Variants in SLC2A9 observed in about 807,000 individuals in gnomAD.
SLC2A9 encodes solute carrier family 2 member 9.
Under a neutral mutation model 50.6 loss-of-function variants are expected in SLC2A9, and 39 were observed. That is an observed-to-expected ratio of 0.77 (90% CI 0.60 to 1.01). The LOEUF (loss-of-function observed/expected upper bound fraction) is 1.01. Among genes scored for constraint, SLC2A9 ranks in the 50% least tolerant of loss-of-function variants. The probability of loss-of-function intolerance (pLI) is 0.00; values close to 1 mark genes in which losing one functional copy is unlikely to be tolerated. For synonymous variants in SLC2A9, 324 were observed against 276.9 expected (o/e 1.17, Z -1.69); for missense variants, 686 against 677.6 (o/e 1.01, Z -0.14).
rs185210018 is a variant in SLC2A9 at position 9,917,242 on chromosome 4, A to G, written c.1002+3143T>C. ...AAGCCTATTGTGTAAGGCAGAGGGA[A>G]AAAAAAATCCAACACCAAAAAGGAA... is the stretch of plus-strand genomic sequence containing the variant. On this transcript the variant is annotated intron_variant, in intron 7 of 11. Transcript: ENST00000264784. Among the ~76,000 whole-genome samples the G allele has an allele frequency of 2.6e-3, 400 of 152,146 alleles. 1 individual carries two copies. Among genetic ancestry groups the G allele is most frequent in the African/African-American group, 9.4e-3 (392 of 41,494 alleles).
chr4:9,819,920 C>A (rs998914987), intron 3 of SLC2A9, among the ~76,000 whole-genome samples: 1 of 152,186 alleles, frequency 6.6e-6, no homozygotes, highest in Admixed American at 6.5e-5. Context: ...GGTGACAGAG[C>A]GAGACTCCGT....
At chr4:9,808,119 G>C (rs1242200242) in intron 3 of SLC2A9, among the ~76,000 whole-genome samples, 1 of 152,212 alleles carries the variant, frequency 6.6e-6, no homozygotes, top group Non-Finnish European at 1.5e-5. Flanking sequence ...GAGCAGGCAG[G>C]GCTGTCACGG....
intron 10 of SLC2A9, among the ~76,000 whole-genome samples, chr4:9,846,300 G>C (rs1322271489): frequency 6.6e-6 from 1 of 152,172 alleles, no homozygotes; most frequent in Non-Finnish European, 1.5e-5. Context: ...CAGCATGTTG[G>C]AAAGGGTGGG....
intron 10 of SLC2A9, among the ~76,000 whole-genome samples, chr4:9,869,457 CCCTGGGCT>C (rs147139265): frequency 0.068 from 10,416 of 152,190 alleles, 815 homozygotes; most frequent in East Asian, 0.24. Flanking sequence ...CTGCCTCTGG[CCCTGGGCT>C]CCTGTGCTCC....
rs28560387 is a variant in SLC2A9 at position 9,905,914 on chromosome 4, G to A, written c.1113+2321C>T. Among the ~76,000 whole-genome samples the A allele has an allele frequency of 3.7e-3, 570 of 152,290 alleles. 3 individuals carry two copies. Among genetic ancestry groups the A allele is most frequent in the African/African-American group, 0.012 (497 of 41,550 alleles). ...CTGAGCCAGCTGACTGTGTGACCCA[G>A]AGTAAGTCACTCCTTTTGGTCTTAG... On this transcript the variant is annotated intron_variant, in intron 8 of 11. Transcript: ENST00000264784.
At chr4:9,832,257 G>T (rs1389554776) in intron 11 of SLC2A9, among the ~76,000 whole-genome samples, 2 of 152,082 alleles carry the variant, frequency 1.3e-5, no homozygotes, top group East Asian at 3.9e-4. Flanking sequence ...GCTGGGGTTG[G>T]GGGATGTGAC....
chr4:9,914,201 C>G (rs1465571007), intron 7 of SLC2A9, among the ~76,000 whole-genome samples: 1 of 152,132 alleles, frequency 6.6e-6, no homozygotes, highest in Non-Finnish European at 1.5e-5. Context: ...GGTGCTAAGT[C>G]CTATGGAGCA....
intron 3 of SLC2A9, among the ~76,000 whole-genome samples, chr4:9,785,843 A>T (rs1464143462): frequency 6.6e-6 from 1 of 152,216 alleles, no homozygotes; most frequent in African/African-American, 2.4e-5. Flanking sequence ...ACCAGGATAG[A>T]TAACGCCAGG....
At chr4:9,925,375 T>G (rs1744712290) in intron 6 of SLC2A9, among the ~76,000 whole-genome samples, 2 of 152,184 alleles carry the variant, frequency 1.3e-5, no homozygotes, top group Admixed American at 6.5e-5. Context: ...GCGTTCTGTC[T>G]GCACACCTGC....
intron 2 of SLC2A9, among the ~76,000 whole-genome samples, chr4:10,005,012 T>C (rs1037556939): frequency 1.3e-5 from 2 of 152,334 alleles, no homozygotes; most frequent in East Asian, 1.9e-4. Flanking sequence ...CACATTCTTG[T>C]ATCTTTCTAT....
At chr4:9,841,309 C>T (rs1327095263) in intron 10 of SLC2A9, among the ~76,000 whole-genome samples, 2 of 152,200 alleles carry the variant, frequency 1.3e-5, no homozygotes, top group Non-Finnish European at 1.5e-5. Context: ...ATCTCGTGAG[C>T]GACTTTGTTC....
intron 10 of SLC2A9, 58 bp from the exon 11 acceptor site, chr4:9,835,066 C>T: frequency 1.2e-6 from 2 of 1,610,614 alleles, no homozygotes; most frequent in Non-Finnish European, 1.7e-6. Context: ...ATGCCTCCAG[C>T]ATCCATCTCC....
chr4:9,922,006 C>CA (rs1308825690), intron 6 of SLC2A9, among the ~76,000 whole-genome samples: 4 of 151,810 alleles, frequency 2.6e-5, no homozygotes, highest in African/African-American at 7.3e-5. Context: ...TTTCCTGAAA[C>CA]AAAAAATCTC....
At chr4:9,983,611 C>T (rs116602069) in intron 4 of SLC2A9, among the ~76,000 whole-genome samples, 2,141 of 152,276 alleles carry the variant, frequency 0.014, 24 homozygotes, top group Middle Eastern at 0.054. Flanking sequence ...CTGAAGCCAC[C>T]GCAGACACAT....
At chr4:9,878,167 C>A (rs1043475627) in intron 10 of SLC2A9, among the ~76,000 whole-genome samples, 1 of 151,750 alleles carries the variant, frequency 6.6e-6, no homozygotes, top group Admixed American at 6.5e-5. Flanking sequence ...TATAAAATTG[C>A]AATATATATA....
At chr4:9,955,537 A>G in intron 5 of SLC2A9, among the ~76,000 whole-genome samples, 1 of 151,848 alleles carries the variant, frequency 6.6e-6, no homozygotes, top group East Asian at 1.9e-4. Flanking sequence ...TCAAAGTTCA[A>G]ACCGTGCACT....
chr4:10,020,020 A>G (rs1763309129), intron 1 of SLC2A9, among the ~76,000 whole-genome samples: 2 of 149,454 alleles, frequency 1.3e-5, no homozygotes, highest in Non-Finnish European at 3.0e-5. Flanking sequence ...CTTCTTTGCC[A>G]TCATTTGACA....
At chr4:9,819,872 TGTG>T (rs1235491642) in intron 3 of SLC2A9, among the ~76,000 whole-genome samples, 12 of 151,614 alleles carry the variant, frequency 7.9e-5, no homozygotes, top group African/African-American at 2.9e-4. Flanking sequence ...AGGCAGAAGT[TGTG>T]GTGAGCCGAG....
chr4:9,912,090 TAAG>T (rs1344813801), intron 7 of SLC2A9, among the ~76,000 whole-genome samples: 2 of 151,698 alleles, frequency 1.3e-5, no homozygotes, highest in African/African-American at 4.8e-5. Flanking sequence ...AATTGAACAA[TAAG>T]AACACATGGA....
Sources: gnomAD v4.1 joint callset for allele counts (sites outside exome capture counted in the v4.1 genomes callset) on GRCh38, gnomAD v4.1.1 for gene constraint, MANE v1.5 for transcripts, NCBI Gene and HGNC (gene_info 2026-07-23, HGNC 2026-07-21) for gene names.